The following RCN1 variants were observed in gnomAD, a reference collection of about 807,000 sequenced individuals.
RCN1 encodes the protein reticulocalbin-1.
RCN1 carries 14 observed loss-of-function variants against 34.7 expected under a neutral mutation model. That is an observed-to-expected ratio of 0.40 (90% CI 0.27 to 0.63). The LOEUF is 0.63. Among genes scored for constraint, RCN1 ranks in the 30% least tolerant of loss-of-function variants. The pLI is 0.37. For synonymous variants in RCN1, 125 were observed against 165.5 expected, an observed-to-expected ratio of 0.76 and a Z score of 1.88; for missense variants, 326 against 425.1, an observed-to-expected ratio of 0.77 and a Z score of 2.05.
At chr11:32,102,795 C>A in intron 4 of RCN1, 1 of 328,026 alleles carries the variant, frequency 3.0e-6, no homozygotes, top group Non-Finnish European at 5.8e-6. Context: ...TAACAGCACT[C>A]ACTTTGTAAG....
At chr11:32,095,598 C>T (rs1029974797) in intron 1 of RCN1, among the ~76,000 whole-genome samples, 3 of 152,060 alleles carry the variant, frequency 2.0e-5, no homozygotes, top group Non-Finnish European at 4.4e-5. Flanking sequence ...TTAGTAGAGA[C>T]GGGGTTTCAC....
intron 5 of RCN1, 55 bp downstream of exon 5, chr11:32,103,535 C>G: frequency 4.6e-6 from 7 of 1,532,142 alleles, no homozygotes; most frequent in Non-Finnish European, 6.3e-6. Flanking sequence ...TACATAAGAT[C>G]GGTTTTGTTT....
At chr11:32,094,089 C>T (rs1002343684) in intron 1 of RCN1, among the ~76,000 whole-genome samples, 1 of 152,090 alleles carries the variant, frequency 6.6e-6, no homozygotes, top group East Asian at 1.9e-4. Context: ...GTAGGAGGTG[C>T]TGGAAATTAT....
At chr11:32,092,465 A>C (rs557379651) in intron 1 of RCN1, among the ~76,000 whole-genome samples, 1 of 152,044 alleles carries the variant, frequency 6.6e-6, no homozygotes, top group Non-Finnish European at 1.5e-5. Context: ...AGAAGCACTC[A>C]GTTCTTTGGC....
At chr11:32,096,846 A>C in intron 1 of RCN1, 1 of 298,854 alleles carries the variant, frequency 3.3e-6, no homozygotes, top group Non-Finnish European at 6.1e-6. Flanking sequence ...AATGGCCATC[A>C]CCAGAGCACA....
chr11:32,097,402 C>G (rs1304405323), intron 2 of RCN1, 65 bp downstream of exon 2: 1 of 1,205,860 alleles, frequency 8.3e-7, no homozygotes, highest in Non-Finnish European at 1.1e-6. Context: ...TGTAGACTCT[C>G]TCTTCTCTTA....
intron 3 of RCN1, among the ~76,000 whole-genome samples, 168 bp downstream of exon 3, chr11:32,098,696 G>A (rs1003606528): frequency 2.6e-5 from 4 of 152,174 alleles, no homozygotes; most frequent in African/African-American, 9.7e-5. Flanking sequence ...GTCAGGTCAG[G>A]CTGGCTGCTG....
chr11:32,091,443 A>C lies in RCN1; in HGVS notation c.247A>C (p.Arg83=). The change falls in exon 1 of 6, where the codon AGG becomes CGG. Residue 83 remains arginine, a synonymous_variant. Transcript: ENST00000054950. ...DQLTPDESKE[R]LGKIVDRIDN... Reference sequence around the variant, plus strand: ...GCTCACCCCGGACGAGAGCAAGGAGAGGCTAGGGTGAGGCCGCGGCCAGGG... The same window carrying C: ...GCTCACCCCGGACGAGAGCAAGGAGCGGCTAGGGTGAGGCCGCGGCCAGGG... 5 of 1,544,828 alleles carry C rather than the reference A, an allele frequency of 3.2e-6. No individual in the cohort carries two copies. The highest frequency in any genetic ancestry group is 4.4e-6 in the Non-Finnish European group (5 of 1,144,530).
chr11:32,098,555 GGAA>G (rs774149255), intron 3 of RCN1, 27 bp downstream of exon 3: 5 of 1,552,924 alleles, frequency 3.2e-6, no homozygotes, highest in Non-Finnish European at 4.4e-6. Context: ...GTCTGGGCTG[GGAA>G]GAGACCAGGG....
intron 1 of RCN1, among the ~76,000 whole-genome samples, chr11:32,092,588 C>T (rs957298425): frequency 6.6e-6 from 1 of 152,040 alleles, no homozygotes; most frequent in Non-Finnish European, 1.5e-5. Context: ...AACAAAACTT[C>T]GGCGCATTTT....
chr11:32,100,483 T>A (rs186860944), intron 3 of RCN1, 65 bp from the exon 4 acceptor site: 2 of 1,319,692 alleles, frequency 1.5e-6, no homozygotes, highest in East Asian at 2.3e-5. Context: ...ATGAGGACAA[T>A]AGAATTCTCA....
At chr11:32,096,931 A>G in intron 1 of RCN1, 1 of 496,318 alleles carries the variant, frequency 2.0e-6, no homozygotes, top group Non-Finnish European at 3.5e-6. Flanking sequence ...GTCTGCCATC[A>G]GCACTGGTTG....
Position 32,103,370 on chromosome 11 carries a change from A to G in RCN1, c.778A>G (p.Lys260Glu). The change falls in exon 5 of 6, where the codon AAG becomes GAG. Residue 260 changes from lysine (K) to glutamate (E), a missense_variant. By Grantham distance (56) the Lys-to-Glu change is moderately conservative (BLOSUM62 1). Coordinates refer to ENST00000054950, the MANE Select transcript of RCN1 (RefSeq NM_002901.4). ...GTTTAACGAATTCCGGGATCTGAAC[A>G]AGGACGGGAAGTTAGACAAAGATGA... ...EQFNEFRDLN[K>E]DGKLDKDEIR... is the part of the protein sequence containing the mutation. 2 of 1,613,692 alleles carry G rather than the reference A, an allele frequency of 1.2e-6. No individual in the cohort carries two copies. The highest frequency in any genetic ancestry group is 2.2e-5 in the East Asian group (1 of 44,880).
rs1412459290 is a variant in RCN1 at position 32,091,592 on chromosome 11, G to T, written c.254+142G>T. The T allele has an allele frequency of 1.2e-5, 13 of 1,106,386 alleles. 1 individual carries two copies. In the South Asian group the frequency reaches 2.3e-4, roughly 19 times the overall value. 68.5% of individuals were successfully genotyped at this position (1,106,386 alleles called of 1,614,324 possible). A position where few individuals can be genotyped will look rare whatever the true frequency, so the allele number is the denominator to read the frequency against. On this transcript the variant is annotated intron_variant, in intron 1 of 5. Transcript: ENST00000054950. ...AGGATGGGGCCCTGCCCAACTCGGC[G>T]CTGGGGCTCAGGCTAACTTGCTGGA...
chr11:32,103,528 A>AT (rs1219699989), intron 5 of RCN1, 48 bp downstream of exon 5: 2 of 1,548,962 alleles, frequency 1.3e-6, no homozygotes, highest in Admixed American at 1.7e-5. Context: ...GACAGTTTAC[A>AT]TAAGATCGGT....
chr11:32,105,695 A>C lies in RCN1; in HGVS notation c.*1223A>C, dbSNP rs1302108423. The stretch of plus-strand genomic sequence containing the variant: ...TGTTCAGAATAGACTCATATTTACT[A>C]ATTTAATAAATGTATGTACTTAATG... On this transcript the variant is annotated 3_prime_UTR_variant, in exon 6 of 6. Transcript: ENST00000054950. 1 of 152,144 alleles carries C rather than the reference A, an allele frequency of 6.6e-6. No individual in the cohort carries two copies. The highest frequency in any genetic ancestry group is 6.5e-5 in the Admixed American group (1 of 15,276). 9.4% of individuals were successfully genotyped at this position (152,144 alleles called of 1,614,324 possible). A position where few individuals can be genotyped will look rare whatever the true frequency, so the allele number is the denominator to read the frequency against.
Position 32,104,972 on chromosome 11 carries a change from T to C in RCN1, c.*500T>C, listed in dbSNP as rs2133479566. On this transcript the variant is annotated 3_prime_UTR_variant, in exon 6 of 6. Coordinates refer to ENST00000054950, the MANE Select transcript of RCN1 (RefSeq NM_002901.4). ...AACAAGTCTAATATTTCAGATTCTT[T>C]CTTTTCGACTTTATACTCTGAGTTA... 5.9e-6 allele frequency: 1 copy of C among 169,340 alleles called. No individual in the cohort carries two copies. Among genetic ancestry groups the C allele is most frequent in the South Asian group, 2.0e-4 (1 of 4,940 alleles). 10.5% of individuals were successfully genotyped at this position (169,340 alleles called of 1,614,324 possible).
intron 3 of RCN1, among the ~76,000 whole-genome samples, chr11:32,098,836 G>A (rs982334126): frequency 3.3e-5 from 5 of 152,146 alleles, no homozygotes; most frequent in Admixed American, 2.0e-4. Flanking sequence ...CTTGTGCTCT[G>A]CCATCTTGTA....
chr11:32,091,620 G>A, intron 1 of RCN1, 170 bp downstream of exon 1: 1 of 808,178 alleles, frequency 1.2e-6, no homozygotes, highest in South Asian at 2.3e-5. Context: ...TTGCTGGAGG[G>A]CCCCGGGACC....
Sources: gnomAD v4.1 joint callset for allele counts (sites outside exome capture counted in the v4.1 genomes callset) on GRCh38, gnomAD v4.1.1 for gene constraint, MANE v1.5 for transcripts, NCBI Gene and HGNC (gene_info 2026-07-23, HGNC 2026-07-21) for gene names.